ADAMTS3: variants seen among roughly 807,000 people sequenced by gnomAD.
ADAMTS3 encodes A disintegrin and metalloproteinase with thrombospondin motifs 3.
In ADAMTS3, 73 loss-of-function variants were observed where a neutral mutation model predicts 129.0. That is an observed-to-expected ratio of 0.57 (90% confidence interval 0.47 to 0.69). ADAMTS3 has a LOEUF of 0.69. Among genes scored for constraint, ADAMTS3 ranks in the 30% least tolerant of loss-of-function variants. ADAMTS3 has a pLI of 0.00. For missense variants in ADAMTS3, 1,457 were observed against 1,514.5 expected (o/e 0.96, Z 0.63); for synonymous variants, 477 against 510.8 (o/e 0.93, Z 0.89).
At chr4:72,383,654 A>T (rs923222196) in intron 4 of ADAMTS3, among the ~76,000 whole-genome samples, 2 of 152,212 alleles carry the variant, frequency 1.3e-5, no homozygotes, top group Non-Finnish European at 2.9e-5. Context: ...TACAGTTTAC[A>T]ATCTGATACC....
intron 3 of ADAMTS3, among the ~76,000 whole-genome samples, chr4:72,442,911 C>T (rs924772175): frequency 1.4e-4 from 21 of 151,658 alleles, no homozygotes; most frequent in African/African-American, 3.1e-4. Context: ...GACTCACCCC[C>T]GAAAATTCTT....
Position 72,313,608 on chromosome 4 carries a change from C to G in ADAMTS3, c.1745+69G>C, listed in dbSNP as rs1460608514. The stretch of plus-strand genomic sequence containing the variant: ...TACATGCACTTTATAAAACAGAATA[C>G]TAATAACATAATATTGAAGTATTTT... On this transcript the variant is annotated intron_variant, in intron 12 of 21. Transcript: ENST00000286657. 2.0e-6 allele frequency: 3 copies of G among 1,513,060 alleles called. No homozygotes were observed. In the African/African-American group the frequency reaches 4.2e-5, roughly 21 times the overall value. The allele number at this position is 1,513,060 out of a possible 1,614,324, so 93.7% of individuals were successfully genotyped here.
chr4:72,428,217 A>G (rs1722617013), intron 3 of ADAMTS3, among the ~76,000 whole-genome samples: 1 of 152,032 alleles, frequency 6.6e-6, no homozygotes, highest in South Asian at 2.1e-4. Context: ...GAAAGTCTTA[A>G]TAATCTCTAG....
Position 72,282,416 on chromosome 4 carries a change from G to A in ADAMTS3, c.*720C>T, listed in dbSNP as rs1452406692. The A allele has an allele frequency of 2.0e-5, 3 of 152,254 alleles. No individual in the cohort carries two copies. In the East Asian group the frequency reaches 5.8e-4, roughly 29 times the overall value. 9.4% of individuals were successfully genotyped at this position (152,254 alleles called of 1,614,324 possible). A position where few individuals can be genotyped will look rare whatever the true frequency, so the allele number is the denominator to read the frequency against. On this transcript the variant is annotated 3_prime_UTR_variant, in exon 22 of 22. Coordinates refer to ENST00000286657, the MANE Select transcript of ADAMTS3 (RefSeq NM_014243.3). ...ATATCTGTATATCTATAGCTTTTGT[G>A]TTTCTTTTCTTTTTCTATAATTTAC...
chr4:72,357,901 A>C (rs1720623053), intron 4 of ADAMTS3, among the ~76,000 whole-genome samples: 1 of 152,008 alleles, frequency 6.6e-6, no homozygotes, highest in African/African-American at 2.4e-5. Flanking sequence ...TGAGGATAGA[A>C]ATATGACTTT....
chr4:72,555,205 A>G lies in ADAMTS3; in HGVS notation c.98-6321T>C, dbSNP rs183094277. Among the ~76,000 whole-genome samples, 142 of 151,936 alleles carry G rather than the reference A, an allele frequency of 9.3e-4. 2 individuals carry two copies. The highest frequency in any genetic ancestry group is 3.2e-3 in the African/African-American group (130 of 41,184). On this transcript the variant is annotated intron_variant, in intron 2 of 21. Coordinates refer to ENST00000286657, the MANE Select transcript of ADAMTS3 (RefSeq NM_014243.3). ...AGTAGAAAACAGAAAATCAGAGATT[A>G]AGTAACTTAACCCAAATAAAAACTT...
intron 18 of ADAMTS3, 189 bp downstream of exon 18, chr4:72,298,088 T>G (rs1195607071): frequency 6.0e-6 from 3 of 501,874 alleles, no homozygotes; most frequent in African/African-American, 5.7e-5. Context: ...GGTCTGTCAC[T>G]GTTATGAAAG....
At chr4:72,396,658 G>A (rs1213762966) in intron 4 of ADAMTS3, among the ~76,000 whole-genome samples, 1 of 152,142 alleles carries the variant, frequency 6.6e-6, no homozygotes, top group African/African-American at 2.4e-5. Context: ...CTTCCATAAA[G>A]ATGGACACAT....
At chr4:72,551,550 G>A (rs184963184) in intron 2 of ADAMTS3, among the ~76,000 whole-genome samples, 16 of 152,172 alleles carry the variant, frequency 1.1e-4, no homozygotes, top group African/African-American at 3.4e-4. Context: ...AAAAAGATAC[G>A]ATTGGCAACC....
At chr4:72,384,713 G>A (rs1721390649) in intron 4 of ADAMTS3, among the ~76,000 whole-genome samples, 1 of 152,138 alleles carries the variant, frequency 6.6e-6, no homozygotes, top group Admixed American at 6.5e-5. Flanking sequence ...GATAAAATCA[G>A]ATGTCCAGGA....
At position 72,464,297 on chromosome 4, in the gene ADAMTS3, A is replaced by G. The variant is rs562506870; in HGVS notation, c.505-49326T>C. Among the ~76,000 whole-genome samples the G allele has an allele frequency of 3.9e-5, 6 of 152,068 alleles. No homozygotes were observed. In the South Asian group the frequency reaches 1.2e-3, roughly 32 times the overall value. On this transcript the variant is annotated intron_variant, in intron 3 of 21. Coordinates refer to ENST00000286657, the MANE Select transcript of ADAMTS3 (RefSeq NM_014243.3). Reference sequence around the variant, plus strand: ...CCTGCCTCCACCCCAACCCCATCCAAATAGAGAGCTGCACTAGGTGAATAA... The same window carrying G: ...CCTGCCTCCACCCCAACCCCATCCAGATAGAGAGCTGCACTAGGTGAATAA...
chr4:72,418,807 C>T (rs892101273), intron 3 of ADAMTS3, among the ~76,000 whole-genome samples: 15 of 152,220 alleles, frequency 9.9e-5, no homozygotes, highest in African/African-American at 3.6e-4. Context: ...CTTCCCATTG[C>T]ACTTAAAACT....
intron 3 of ADAMTS3, among the ~76,000 whole-genome samples, chr4:72,493,156 T>C (rs1234268055): frequency 6.6e-6 from 1 of 151,996 alleles, no homozygotes; most frequent in Non-Finnish European, 1.5e-5. Flanking sequence ...ATTTGTTTTT[T>C]GTCCATTCAG....
Position 72,466,937 on chromosome 4 carries a change from A to G in ADAMTS3, c.505-51966T>C, listed in dbSNP as rs971042679. ...TCTAAATCTGCCTCCTCAATGGTCCATTAGAGATGATAATACCTCAAGGGG... is the reference window on the plus strand; with the variant it reads ...TCTAAATCTGCCTCCTCAATGGTCCGTTAGAGATGATAATACCTCAAGGGG... On this transcript the variant is annotated intron_variant, in intron 3 of 21. Transcript: ENST00000286657. Among the ~76,000 whole-genome samples, 4 of 152,096 alleles carry G rather than the reference A, an allele frequency of 2.6e-5. No individual in the cohort carries two copies. In the South Asian group the frequency reaches 6.2e-4, roughly 24 times the overall value.
At chr4:72,526,870 G>C (rs1720831500) in intron 3 of ADAMTS3, among the ~76,000 whole-genome samples, 1 of 114,678 alleles carries the variant, frequency 8.7e-6, no homozygotes, top group Admixed American at 9.0e-5. Context: ...AGGTGAACAA[G>C]GATAAAATAA....
At chr4:72,403,357 A>G (rs1444167432) in intron 4 of ADAMTS3, among the ~76,000 whole-genome samples, 2 of 152,098 alleles carry the variant, frequency 1.3e-5, no homozygotes, top group African/African-American at 2.4e-5. Context: ...TATCAAAAAT[A>G]AAATATAATG....
At chr4:72,490,651 G>T (rs1259961019) in intron 3 of ADAMTS3, among the ~76,000 whole-genome samples, 2 of 151,768 alleles carry the variant, frequency 1.3e-5, no homozygotes, top group Non-Finnish European at 3.0e-5. Flanking sequence ...AAGACCAGTT[G>T]ACTGAGTATG....
chr4:72,404,577 G>C (rs1031834182), intron 4 of ADAMTS3, among the ~76,000 whole-genome samples: 1 of 151,786 alleles, frequency 6.6e-6, no homozygotes, highest in Admixed American at 6.6e-5. Context: ...AAAAAACTTC[G>C]TGATATTGAT....
rs544460558 is a variant in ADAMTS3 at position 72,282,493 on chromosome 4, T to C, written c.*643A>G. The C allele has an allele frequency of 6.5e-6, 1 of 152,732 alleles. No homozygotes were observed. The highest frequency in any genetic ancestry group is 2.4e-5 in the African/African-American group (1 of 41,566). 9.5% of individuals were successfully genotyped at this position (152,732 alleles called of 1,614,324 possible). ...CCTTTATATTGTCAGTAGCTGTAAT[T>C]CTAACTTCTCTTTTGTAATACTCTG... On this transcript the variant is annotated 3_prime_UTR_variant, in exon 22 of 22. Coordinates refer to ENST00000286657, the MANE Select transcript of ADAMTS3 (RefSeq NM_014243.3).
Sources: gnomAD v4.1 joint callset for allele counts (sites outside exome capture counted in the v4.1 genomes callset) on GRCh38, gnomAD v4.1.1 for gene constraint, MANE v1.5 for transcripts, NCBI Gene and HGNC (gene_info 2026-07-23, HGNC 2026-07-21) for gene names.